Variants in SLC35H1 observed in about 807,000 individuals in gnomAD.
SLC35H1 encodes the protein solute carrier family 35 member H1.
chr20:46,350,184 G>A, the SLC35H1 span: 2 of 460,670 alleles, frequency 4.3e-6, no homozygotes, highest in Non-Finnish European at 7.5e-6. Flanking sequence ...CCCAGCTCTG[G>A]CCAGTCCCAG....
At chr20:46,356,079 G>A in the SLC35H1 span, among the ~76,000 whole-genome samples, 13 of 152,320 alleles carry the variant, frequency 8.5e-5, no homozygotes, top group Middle Eastern at 3.4e-3. Flanking sequence ...CAGGTCTGAC[G>A]TTGAGCTCCC....
At chr20:46,353,141 G>T in the SLC35H1 span, 2 of 152,212 alleles carry the variant, frequency 1.3e-5, no homozygotes, top group African/African-American at 2.4e-5. Context: ...ACAGAGCTGT[G>T]GGACTTGGGC....
the SLC35H1 span, among the ~76,000 whole-genome samples, chr20:46,356,270 A>G: frequency 6.6e-6 from 1 of 152,218 alleles, no homozygotes; most frequent in Admixed American, 6.5e-5. Context: ...ACCACCCACC[A>G]GTGGCCACCT....
chr20:46,352,310 C>T, the SLC35H1 span: 43 of 1,238,582 alleles, frequency 3.5e-5, no homozygotes, highest in South Asian at 4.3e-4. Context: ...AGATCTTCCA[C>T]TGTAGTAGTG....
the SLC35H1 span, among the ~76,000 whole-genome samples, chr20:46,357,972 CA>C: frequency 6.6e-6 from 1 of 152,190 alleles, no homozygotes; most frequent in East Asian, 1.9e-4. Flanking sequence ...AGGTGGCAGC[CA>C]AGAGACTCAA....
the SLC35H1 span, among the ~76,000 whole-genome samples, chr20:46,356,119 A>G: frequency 6.6e-6 from 1 of 152,210 alleles, no homozygotes; most frequent in Admixed American, 6.5e-5. Context: ...AACCCTCGGC[A>G]GAGCCCAGGA....
the SLC35H1 span, chr20:46,347,384 G>C: frequency 3.9e-5 from 6 of 152,252 alleles, no homozygotes; most frequent in Non-Finnish European, 8.8e-5. Flanking sequence ...CCCAGTGAAC[G>C]GTCTTTTCTG....
At chr20:46,352,249 G>A in the SLC35H1 span, 2 of 1,611,954 alleles carry the variant, frequency 1.2e-6, no homozygotes, top group South Asian at 2.2e-5. Flanking sequence ...GGGAGAGAGA[G>A]TGGGAGGCCG....
At chr20:46,355,051 A>T in the SLC35H1 span, 1 of 1,613,852 alleles carries the variant, frequency 6.2e-7, no homozygotes. The surrounding 1 kb of genome is among the most constrained non-coding windows in gnomAD (Gnocchi z 4.8). Context: ...CTCTCTCTGG[A>T]GGATGAGTGG....
At chr20:46,358,800 A>G in the SLC35H1 span, 1 of 1,302,678 alleles carries the variant, frequency 7.7e-7, no homozygotes, top group Non-Finnish European at 1.1e-6. Context: ...AGCCTCAGGC[A>G]GAGACTGTGC....
At chr20:46,356,001 A>T in the SLC35H1 span, 19 of 1,374,190 alleles carry the variant, frequency 1.4e-5, no homozygotes, top group African/African-American at 2.9e-5. Context: ...TCTGAGTGAT[A>T]AGCGACCTTT....
the SLC35H1 span, among the ~76,000 whole-genome samples, chr20:46,354,677 T>G: frequency 6.6e-6 from 1 of 152,214 alleles, no homozygotes; most frequent in African/African-American, 2.4e-5. Flanking sequence ...CAGGGCTCTG[T>G]GCACACTTAC....
chr20:46,356,230 G>C, the SLC35H1 span, among the ~76,000 whole-genome samples: 1 of 152,184 alleles, frequency 6.6e-6, no homozygotes, highest in African/African-American at 2.4e-5. Context: ...TAGCCCCCAG[G>C]CCACATAGGG....
chr20:46,356,700 G>A, the SLC35H1 span: 2 of 1,506,482 alleles, frequency 1.3e-6, no homozygotes, highest in East Asian at 2.4e-5. Context: ...GGGTGGGCTG[G>A]TACCCTGAGG....
chr20:46,355,273 C>A, the SLC35H1 span: 2 of 1,589,218 alleles, frequency 1.3e-6, no homozygotes, highest in South Asian at 1.1e-5. The surrounding 1 kb of genome is among the most constrained non-coding windows in gnomAD (Gnocchi z 4.8). Flanking sequence ...GCAGCTAACT[C>A]GGGGGTCTTG....
chr20:46,354,324 C>T, the SLC35H1 span, among the ~76,000 whole-genome samples: 2 of 152,180 alleles, frequency 1.3e-5, no homozygotes, highest in South Asian at 2.1e-4. Flanking sequence ...TTGCTCCCTG[C>T]AGCCTGCCAA....
the SLC35H1 span, among the ~76,000 whole-genome samples, chr20:46,360,536 T>C: frequency 9.9e-6 from 1 of 101,516 alleles, no homozygotes; most frequent in Non-Finnish European, 1.9e-5. Context: ...GGCATGGTTA[T>C]TTATATTTTA....
the SLC35H1 span, among the ~76,000 whole-genome samples, chr20:46,362,457 A>C: frequency 6.6e-6 from 1 of 152,150 alleles, no homozygotes; most frequent in Non-Finnish European, 1.5e-5. Context: ...TTTAGTGCTT[A>C]AGAGTGTGGG....
chr20:46,346,925 TCAGTAC>T, the SLC35H1 span: 1 of 148,544 alleles, frequency 6.7e-6, no homozygotes, highest in African/African-American at 2.5e-5. Flanking sequence ...AAGTGCATGC[TCAGTAC>T]CAGACACTGC....
Sources: gnomAD v4.1 joint callset for allele counts (sites outside exome capture counted in the v4.1 genomes callset) on GRCh38, gnomAD v4.1.1 for gene constraint, Gnocchi (gnomAD v3.1) non-coding constraint, MANE v1.5 for transcripts, NCBI Gene and HGNC (gene_info 2026-07-23, HGNC 2026-07-21) for gene names.